The following SMG6 variants were observed in gnomAD, a reference collection of about 807,000 sequenced individuals.
The protein encoded by SMG6 is SMG6 nonsense mediated mRNA decay factor.
A neutral mutation model predicts 142.2 loss-of-function variants in SMG6; 66 were observed. That is an observed-to-expected ratio of 0.46 (90% CI 0.38 to 0.57). The LOEUF (loss-of-function observed/expected upper bound fraction) is 0.57. SMG6 is among the 20% of genes least tolerant of loss of function. The pLI is 0.00. For missense variants in SMG6, 1,793 were observed against 1,832.0 expected (o/e 0.98, Z 0.39); for synonymous variants, 779 against 702.4 (o/e 1.11, Z -1.72).
Position 2,109,507 on chromosome 17 carries a change from G to A in SMG6, c.3358-23606C>T, listed in dbSNP as rs948071859. 1.6e-4 allele frequency among the ~76,000 whole-genome samples: 25 copies of A among 152,042 alleles called. No homozygotes were observed. The East Asian group carries it at 4.4e-3, about 27-fold the overall frequency. ...TTGAATTGCTGGCCTCAAGTGATCC[G>A]CCTGCCTCAGCCTCTCAAAGTGCTG... On this transcript the variant is annotated intron_variant, in intron 13 of 18. Transcript: ENST00000263073.
chr17:2,196,634 A>G (rs2072337298), intron 10 of SMG6, among the ~76,000 whole-genome samples: 1 of 152,250 alleles, frequency 6.6e-6, no homozygotes, highest in Admixed American at 6.5e-5. Context: ...AGATAAAGAC[A>G]AGCTTATTCT....
chr17:2,276,495 C>T (rs1202699009), intron 8 of SMG6, among the ~76,000 whole-genome samples: 18 of 152,096 alleles, frequency 1.2e-4, no homozygotes, highest in African/African-American at 2.9e-4. Context: ...AGTGATTCTC[C>T]CGCCTCAGCC....
intron 8 of SMG6, chr17:2,266,085 T>A (rs2074417284): frequency 1.0e-6 from 1 of 985,294 alleles, no homozygotes; most frequent in South Asian, 4.7e-5. Flanking sequence ...CAGGATCTAG[T>A]ACTTTCTGTT....
chr17:2,258,935 C>T (rs1045200848), intron 8 of SMG6, among the ~76,000 whole-genome samples: 1 of 151,774 alleles, frequency 6.6e-6, no homozygotes, highest in African/African-American at 2.4e-5. Flanking sequence ...AAAATGAGCA[C>T]GGTGTGGTGG....
At chr17:2,204,054 C>T (rs565578796) in intron 10 of SMG6, among the ~76,000 whole-genome samples, 1 of 152,130 alleles carries the variant, frequency 6.6e-6, no homozygotes, top group African/African-American at 2.4e-5. Flanking sequence ...GCCTTGACCT[C>T]TCAGGCTCAA....
intron 6 of SMG6, among the ~76,000 whole-genome samples, chr17:2,287,441 G>A (rs2074932379): frequency 6.6e-6 from 1 of 152,236 alleles, no homozygotes; most frequent in African/African-American, 2.4e-5. Flanking sequence ...CTTGCATGCT[G>A]TTGGTTGGAA....
intron 13 of SMG6, among the ~76,000 whole-genome samples, chr17:2,116,706 C>T (rs887803293): frequency 5.3e-5 from 8 of 152,042 alleles, no homozygotes; most frequent in Non-Finnish European, 1.2e-4. Flanking sequence ...TGAGATTGCG[C>T]CACTGCACTC....
chr17:2,300,272 T>G lies in SMG6; in HGVS notation c.481A>C (p.Ser161Arg). The change falls in exon 2 of 19, where the codon AGT becomes CGT. Residue 161 changes from serine (S) to arginine (R), a missense_variant. By Grantham distance (110) the Ser-to-Arg change is moderately radical. Transcript: ENST00000263073. ...RLQTVSKESA[S>R]RVEEEEVLNQ... Reference sequence around the variant, plus strand: ...AGGACTTCTTCCTCCTCCACCCGACTGGCGGATTCTTTGCTAACAGTCTGC... The same window carrying G: ...AGGACTTCTTCCTCCTCCACCCGACGGGCGGATTCTTTGCTAACAGTCTGC... The G allele has an allele frequency of 6.2e-7, 1 of 1,614,190 alleles. No individual in the cohort carries two copies. Among genetic ancestry groups the G allele is most frequent in the Non-Finnish European group, 8.5e-7 (1 of 1,180,040 alleles).
At chr17:2,228,565 G>A (rs570313870) in intron 10 of SMG6, among the ~76,000 whole-genome samples, 2 of 149,892 alleles carry the variant, frequency 1.3e-5, no homozygotes, top group Admixed American at 6.7e-5. Context: ...GTTTCCCCAC[G>A]TTGACCAGGC....
chr17:2,117,689 T>C (rs2069549727), intron 13 of SMG6: 2 of 152,220 alleles, frequency 1.3e-5, no homozygotes, highest in African/African-American at 4.8e-5. Context: ...TGTTAAGATG[T>C]CAATTTTCTC....
intron 10 of SMG6, among the ~76,000 whole-genome samples, chr17:2,230,938 T>C (rs2073473011): frequency 6.6e-6 from 1 of 152,174 alleles, no homozygotes; most frequent in African/African-American, 2.4e-5. Flanking sequence ...TACGGAAATC[T>C]ACCCACAGAG....
chr17:2,097,160 CTT>C (rs1555534662), intron 13 of SMG6, among the ~76,000 whole-genome samples: 3 of 144,816 alleles, frequency 2.1e-5, no homozygotes, highest in Non-Finnish European at 3.1e-5. Flanking sequence ...CTTTTCTTTT[CTT>C]TTTTTTTTTT....
chr17:2,198,602 G>A (rs1190226666), intron 10 of SMG6, among the ~76,000 whole-genome samples: 2 of 151,948 alleles, frequency 1.3e-5, no homozygotes, highest in Non-Finnish European at 2.9e-5. Flanking sequence ...ACGGGTGAAG[G>A]GTGCATAAGA....
intron 17 of SMG6, 62 bp from the exon 18 acceptor site, chr17:2,065,216 G>T: frequency 7.1e-7 from 1 of 1,401,826 alleles, no homozygotes; most frequent in Non-Finnish European, 1.0e-6. Context: ...TGGAGGAGGA[G>T]GAGGGATCCT....
intron 10 of SMG6, among the ~76,000 whole-genome samples, chr17:2,189,000 G>C (rs1211099441): frequency 7.2e-5 from 11 of 152,082 alleles, no homozygotes; most frequent in Admixed American, 7.2e-4. Context: ...TGATCTTCTT[G>C]AATCACCAAC....
At chr17:2,258,026 A>ATATATAT (rs1264955048) in intron 8 of SMG6, among the ~76,000 whole-genome samples, 25 of 88,266 alleles carry the variant, frequency 2.8e-4, no homozygotes, top group East Asian at 1.1e-3. Flanking sequence ...AAAAAAAAAA[A>ATATATAT]AAAAAAAAAT....
chr17:2,299,466 A>C lies in SMG6; in HGVS notation c.1287T>G (p.Pro429=). 6.2e-7 allele frequency: 1 copy of C among 1,614,158 alleles called. No homozygotes were observed. Among genetic ancestry groups the C allele is most frequent in the Non-Finnish European group, 8.5e-7 (1 of 1,180,022 alleles). The change falls in exon 2 of 19, where the codon CCT becomes CCG. Residue 429 remains proline, a synonymous_variant. Coordinates refer to ENST00000263073, the MANE Select transcript of SMG6 (RefSeq NM_017575.5). The surrounding 1 kb of genome is among the most constrained non-coding windows in gnomAD (Gnocchi z 4.3). The stretch of plus-strand genomic sequence containing the variant: ...ATCCAAACAAAAGCCGAGGTCCCAA[A>C]GGCGCGGACTCTGGAGAACCTGCTG... ...VNSAGSPESA[P]LGPRLLFGSG...
intron 9 of SMG6, among the ~76,000 whole-genome samples, chr17:2,242,382 T>TTA (rs2073826958): frequency 9.6e-6 from 1 of 104,226 alleles, no homozygotes; most frequent in African/African-American, 4.2e-5. Context: ...AAAAAAAAAT[T>TTA]AGTCGGGCAT....
intron 4 of SMG6, among the ~76,000 whole-genome samples, chr17:2,297,010 G>GAA (rs374673133): frequency 1.5e-4 from 9 of 61,012 alleles, no homozygotes; most frequent in Non-Finnish European, 2.4e-4. Context: ...CTCAAAAAAT[G>GAA]AAAAAAAAAA....
Sources: allele counts gnomAD v4.1 joint callset (sites outside exome capture counted in the v4.1 genomes callset), GRCh38; gene constraint gnomAD v4.1.1; non-coding constraint Gnocchi (gnomAD v3.1); transcripts MANE v1.5; gene names NCBI Gene and HGNC (gene_info 2026-07-23, HGNC 2026-07-21).